Variants in MGLL observed in about 807,000 individuals in gnomAD.
MGLL encodes the protein monoglyceride lipase.
MGLL carries 7 observed loss-of-function variants against 29.1 expected under a neutral mutation model. That is an observed-to-expected ratio of 0.24 (90% confidence interval 0.14 to 0.45). MGLL has a LOEUF of 0.45. Ranked by LOEUF, MGLL falls within the 20% of genes least tolerant of loss-of-function variation. The pLI, the probability that MGLL is intolerant of heterozygous loss-of-function variation, is 0.99. For synonymous variants in MGLL, 148 were observed against 168.3 expected (o/e 0.88, Z 0.93); for missense variants, 356 against 413.6 (o/e 0.86, Z 1.21).
At chr3:127,778,040 CA>C (rs1324636139) in intron 3 of MGLL, among the ~76,000 whole-genome samples, 5 of 152,198 alleles carry the variant, frequency 3.3e-5, no homozygotes, top group Admixed American at 3.3e-4. Flanking sequence ...ATTTACCAGG[CA>C]TGCTGGAGAC....
At position 127,821,841 on chromosome 3, in the gene MGLL, A is replaced by C. The variant is rs770375280; in HGVS notation, c.11-3T>G. On this transcript the variant is annotated splice_polypyrimidine_tract_variant and splice_region_variant and intron_variant, in intron 1 of 7. Coordinates refer to ENST00000265052, the MANE Select transcript of MGLL (RefSeq NM_007283.7). ...CATGCTGGAAGGGTCTTCAGGTCCT[A>C]GAAGGAAAAGTGACATATTCCAAAG... 2 of 1,613,234 alleles carry C rather than the reference A, an allele frequency of 1.2e-6. No individual in the cohort carries two copies. Among genetic ancestry groups the C allele is most frequent in the South Asian group, 2.2e-5 (2 of 91,044 alleles).
At chr3:127,706,169 C>T (rs1210200800) in intron 6 of MGLL, among the ~76,000 whole-genome samples, 1 of 152,204 alleles carries the variant, frequency 6.6e-6, no homozygotes, top group Non-Finnish European at 1.5e-5. Flanking sequence ...TTATTCACAA[C>T]AGCTGAGAGG....
chr3:127,694,855 G>C (rs2075325218), intron 7 of MGLL, 120 bp downstream of exon 7: 2 of 908,040 alleles, frequency 2.2e-6, no homozygotes, highest in Non-Finnish European at 3.6e-6. Flanking sequence ...AAGCAGGCTG[G>C]TCCCTATCCT....
At chr3:127,757,079 T>C (rs931449769) in intron 3 of MGLL, among the ~76,000 whole-genome samples, 1 of 152,234 alleles carries the variant, frequency 6.6e-6, no homozygotes, top group African/African-American at 2.4e-5. Flanking sequence ...TAAGAAAGTC[T>C]GAGTGCAGAC....
intron 2 of MGLL, among the ~76,000 whole-genome samples, chr3:127,803,085 T>G (rs1235185046): frequency 6.6e-6 from 1 of 152,092 alleles, no homozygotes; most frequent in Non-Finnish European, 1.5e-5. Flanking sequence ...GTTCAAGTGA[T>G]TCTCCTGCCT....
At chr3:127,784,267 G>T (rs1347394385) in intron 2 of MGLL, among the ~76,000 whole-genome samples, 3 of 152,176 alleles carry the variant, frequency 2.0e-5, no homozygotes, top group Admixed American at 2.0e-4. Context: ...CTGATGCCTG[G>T]GTCCCACTCC....
intron 2 of MGLL, among the ~76,000 whole-genome samples, chr3:127,805,390 G>A (rs1275928399): frequency 1.3e-5 from 2 of 152,162 alleles, no homozygotes; most frequent in African/African-American, 4.8e-5. Context: ...TGACCTGAAG[G>A]GGCATCTGCA....
chr3:127,822,354 C>A lies in MGLL; in HGVS notation c.-36G>T. On this transcript the variant is annotated 5_prime_UTR_variant, in exon 1 of 8. Transcript: ENST00000265052. The stretch of plus-strand genomic sequence containing the variant: ...CGTTTGCATTCCACAACCACGACAG[C>A]CTGGAGAATCAGAACCAGGCAAATC... 6.2e-7 allele frequency: 1 copy of A among 1,613,242 alleles called. No homozygotes were observed. The highest frequency in any genetic ancestry group is 1.1e-5 in the South Asian group (1 of 91,058).
intron 2 of MGLL, among the ~76,000 whole-genome samples, chr3:127,807,253 G>A (rs1484185759): frequency 6.6e-6 from 1 of 151,950 alleles, no homozygotes; most frequent in African/African-American, 2.4e-5. Context: ...AAATTTATTA[G>A]CACACAATTG....
At chr3:127,724,914 T>C (rs2076002821) in intron 3 of MGLL, among the ~76,000 whole-genome samples, 1 of 152,160 alleles carries the variant, frequency 6.6e-6, no homozygotes, top group South Asian at 2.1e-4. Context: ...AATGGCCCTC[T>C]ACGTTGGAAG....
chr3:127,701,215 C>CAAAAAAAA (rs60128956), intron 6 of MGLL, among the ~76,000 whole-genome samples: 6,168 of 55,928 alleles, frequency 0.11, 778 homozygotes, highest in Middle Eastern at 0.14. Flanking sequence ...ACCCTGCCTC[C>CAAAAAAAA]AAAAAAAAAA....
chr3:127,803,368 G>A (rs537879657), intron 2 of MGLL, among the ~76,000 whole-genome samples: 1 of 152,130 alleles, frequency 6.6e-6, no homozygotes, highest in African/African-American at 2.4e-5. Flanking sequence ...CCGCCTGAAG[G>A]AACAAGCAGT....
chr3:127,766,969 G>T (rs2076868418), intron 3 of MGLL, among the ~76,000 whole-genome samples: 1 of 152,138 alleles, frequency 6.6e-6, no homozygotes, highest in Non-Finnish European at 1.5e-5. Context: ...TACTCAGGAG[G>T]TTGAGGCAGG....
chr3:127,737,421 A>G (rs566232424), intron 3 of MGLL, among the ~76,000 whole-genome samples: 9 of 150,240 alleles, frequency 6.0e-5, no homozygotes, highest in Admixed American at 4.7e-4. Context: ...AGAATTAGTG[A>G]GGGAGGGAAT....
At chr3:127,789,622 C>T (rs764384330) in intron 2 of MGLL, among the ~76,000 whole-genome samples, 8 of 151,872 alleles carry the variant, frequency 5.3e-5, no homozygotes, top group Admixed American at 6.6e-5. Context: ...CACTTGAGCC[C>T]GGGAGGTGGA....
chr3:127,759,449 T>C (rs1437870441), intron 3 of MGLL, among the ~76,000 whole-genome samples: 1 of 152,182 alleles, frequency 6.6e-6, no homozygotes, highest in Non-Finnish European at 1.5e-5. Flanking sequence ...ACACAGTAGA[T>C]GCTCACTGGA....
chr3:127,754,108 G>A (rs550558580), intron 3 of MGLL, among the ~76,000 whole-genome samples: 3 of 152,248 alleles, frequency 2.0e-5, no homozygotes, highest in South Asian at 4.1e-4. Flanking sequence ...TGCACTCTAC[G>A]GAGGAGGCCA....
intron 5 of MGLL, chr3:127,715,651 T>G (rs575361099): frequency 1.3e-5 from 6 of 456,146 alleles, no homozygotes; most frequent in Non-Finnish European, 2.2e-5. Context: ...TGATTGTGCA[T>G]GAAGGAAAGC....
rs188345195 is a variant in MGLL, at chr3:127,744,304, G to A, written c.263-21738C>T. Among the ~76,000 whole-genome samples the A allele has an allele frequency of 5.9e-5, 9 of 152,260 alleles. No individual in the cohort carries two copies. In the East Asian group the frequency reaches 1.7e-3, roughly 29 times the overall value. ...GAATGACAAAAAGTGTCATAACTACGGTTCTTGGCATCTAGCAAGATGATC... is the reference window on the plus strand; with the variant it reads ...GAATGACAAAAAGTGTCATAACTACAGTTCTTGGCATCTAGCAAGATGATC... On this transcript the variant is annotated intron_variant, in intron 3 of 7. Coordinates refer to ENST00000265052, the MANE Select transcript of MGLL (RefSeq NM_007283.7).
Sources: gnomAD v4.1 joint callset for allele counts (sites outside exome capture counted in the v4.1 genomes callset) on GRCh38, gnomAD v4.1.1 for gene constraint, MANE v1.5 for transcripts, NCBI Gene and HGNC (gene_info 2026-07-23, HGNC 2026-07-21) for gene names.